RCL1: variants seen among roughly 807,000 people sequenced by gnomAD.
RCL1 encodes RNA 3'-terminal phosphate cyclase-like protein.
In RCL1, 24 loss-of-function variants were observed where a neutral mutation model predicts 42.4. The observed-to-expected ratio is 0.57, with a 90% confidence interval of 0.41 to 0.80. RCL1 has a LOEUF of 0.80. Among genes scored for constraint, RCL1 ranks in the 30% least tolerant of loss-of-function variants. The pLI, the probability that RCL1 is intolerant of heterozygous loss-of-function variation, is 0.00. For synonymous variants in RCL1, 228 were observed against 177.3 expected, an observed-to-expected ratio of 1.29 and a Z score of -2.27; for missense variants, 578 against 467.9, an observed-to-expected ratio of 1.24 and a Z score of -2.17.
chr9:4,850,482 C>CTTTT (rs112829690), intron 8 of RCL1: 41 of 114,452 alleles, frequency 3.6e-4, no homozygotes, highest in East Asian at 7.1e-4. Flanking sequence ...CTTATGGAGG[C>CTTTT]TTTTTTTTTT....
In RCL1 at chr9:4,826,341, C is replaced by T. The variant is rs1357409997; in HGVS notation, c.209-517C>T. On this transcript the variant is annotated intron_variant, in intron 2 of 8. Transcript: ENST00000381750. Reference sequence around the variant, plus strand: ...GCCGTAAAATAATATTAGGCATGTCCCTGTATCAATATTAAATTAAAAGAC... The same window carrying T: ...GCCGTAAAATAATATTAGGCATGTCTCTGTATCAATATTAAATTAAAAGAC... 3.3e-5 allele frequency among the ~76,000 whole-genome samples: 5 copies of T among 152,224 alleles called. 1 individual carries two copies. The South Asian group carries it at 1.0e-3, about 32-fold the overall frequency.
At chr9:4,829,400 G>A (rs919882622) in intron 3 of RCL1, among the ~76,000 whole-genome samples, 13 of 152,138 alleles carry the variant, frequency 8.5e-5, no homozygotes, top group African/African-American at 3.1e-4. Flanking sequence ...TTGCAATAAA[G>A]GATCATGATC....
At chr9:4,801,296 C>G (rs12002824) in intron 1 of RCL1, among the ~76,000 whole-genome samples, 1 of 152,082 alleles carries the variant, frequency 6.6e-6, no homozygotes, top group African/African-American at 2.4e-5. Context: ...CTCAGCCTCC[C>G]GAGTAGCTGG....
intron 1 of RCL1, among the ~76,000 whole-genome samples, chr9:4,794,775 C>T (rs1057360734): frequency 6.6e-6 from 1 of 151,978 alleles, no homozygotes; most frequent in Non-Finnish European, 1.5e-5. Flanking sequence ...AAGTATGCTT[C>T]TCCTTCTCCC....
intron 5 of RCL1, chr9:4,839,815 T>C (rs1221329846): frequency 7.1e-6 from 7 of 981,614 alleles, no homozygotes; most frequent in Non-Finnish European, 7.3e-6. Flanking sequence ...TGTGGTCTCA[T>C]TGAAGAGCAA....
At chr9:4,854,920 G>A (rs895018897) in intron 8 of RCL1, among the ~76,000 whole-genome samples, 4 of 152,062 alleles carry the variant, frequency 2.6e-5, no homozygotes, top group Non-Finnish European at 5.9e-5. Context: ...GGGCGTGGTG[G>A]CACATGTCTC....
chr9:4,812,684 T>C (rs1011225520), intron 1 of RCL1, among the ~76,000 whole-genome samples: 31 of 152,130 alleles, frequency 2.0e-4, no homozygotes, highest in Non-Finnish European at 1.5e-5. Flanking sequence ...ATAATCTCAT[T>C]GGTATTTTGA....
intron 5 of RCL1, among the ~76,000 whole-genome samples, chr9:4,840,445 GCT>G (rs1563850679): frequency 7.2e-5 from 11 of 152,148 alleles, no homozygotes; most frequent in Non-Finnish European, 1.5e-4. Flanking sequence ...GGGAATGCCA[GCT>G]TCTGTTATAA....
At chr9:4,815,740 G>A (rs1377384588) in intron 1 of RCL1, among the ~76,000 whole-genome samples, 4 of 152,110 alleles carry the variant, frequency 2.6e-5, no homozygotes, top group Non-Finnish European at 5.9e-5. Flanking sequence ...GCTGGGCACG[G>A]TGTTGACTCC....
chr9:4,837,600 A>C (rs1158536476), intron 5 of RCL1, among the ~76,000 whole-genome samples: 1 of 152,196 alleles, frequency 6.6e-6, no homozygotes, highest in South Asian at 2.1e-4. Flanking sequence ...CATGGGTTTC[A>C]TCACAGTGGG....
At chr9:4,843,251 T>A (rs2129675511) in intron 6 of RCL1, among the ~76,000 whole-genome samples, 1 of 152,350 alleles carries the variant, frequency 6.6e-6, no homozygotes, top group Non-Finnish European at 1.5e-5. Flanking sequence ...CTTGTTCAGA[T>A]GTAAGAGTTT....
At chr9:4,852,672 C>G (rs1263213569) in intron 8 of RCL1, among the ~76,000 whole-genome samples, 1 of 152,074 alleles carries the variant, frequency 6.6e-6, no homozygotes, top group Non-Finnish European at 1.5e-5. Context: ...GCTTAGTGCT[C>G]CTGGCAACGT....
At chr9:4,814,514 G>T (rs1383398660) in intron 1 of RCL1, among the ~76,000 whole-genome samples, 3 of 152,090 alleles carry the variant, frequency 2.0e-5, no homozygotes, top group Admixed American at 6.6e-5. Flanking sequence ...TCATCCTCCT[G>T]CCTTGGCTTC....
intron 1 of RCL1, among the ~76,000 whole-genome samples, chr9:4,818,424 A>T (rs1387503672): frequency 6.6e-6 from 1 of 152,236 alleles, no homozygotes. Context: ...CACATATAGA[A>T]ATAAATAAAC....
intron 1 of RCL1, among the ~76,000 whole-genome samples, chr9:4,806,440 G>A (rs888120953): frequency 6.6e-6 from 1 of 152,128 alleles, no homozygotes; most frequent in Non-Finnish European, 1.5e-5. Flanking sequence ...CAATGAATGA[G>A]TGTTGTATTT....
intron 1 of RCL1, among the ~76,000 whole-genome samples, chr9:4,803,212 C>T (rs557304899): frequency 6.6e-6 from 1 of 152,076 alleles, no homozygotes; most frequent in East Asian, 1.9e-4. Context: ...GATCAGAAGA[C>T]AAAAGTAGAT....
At chr9:4,839,261 G>A (rs931224712) in intron 5 of RCL1, among the ~76,000 whole-genome samples, 19 of 152,256 alleles carry the variant, frequency 1.2e-4, no homozygotes, top group Middle Eastern at 3.4e-3. Context: ...GTTAACCTTC[G>A]TGTTTTTGTA....
At chr9:4,809,238 T>C (rs572283421) in intron 1 of RCL1, among the ~76,000 whole-genome samples, 1 of 152,330 alleles carries the variant, frequency 6.6e-6, no homozygotes, top group South Asian at 2.1e-4. Context: ...TTTTCTTACA[T>C]ATATCCTAAC....
Position 4,801,777 on chromosome 9 carries a change from C to T in RCL1, c.136+8550C>T, listed in dbSNP as rs528696424. Among the ~76,000 whole-genome samples, 14 of 145,302 alleles carry T rather than the reference C, an allele frequency of 9.6e-5. No individual in the cohort carries two copies. The East Asian group carries it at 1.8e-3, about 19-fold the overall frequency. On this transcript the variant is annotated intron_variant, in intron 1 of 8. Coordinates refer to ENST00000381750, the MANE Select transcript of RCL1 (RefSeq NM_005772.5). ...ATTGCCCAAGCATCATTTGTTGAAA[C>T]GGCATCTTTTTTCCATTTAATTGCT...
Sources: allele counts gnomAD v4.1 joint callset (sites outside exome capture counted in the v4.1 genomes callset), GRCh38; gene constraint gnomAD v4.1.1; transcripts MANE v1.5; gene names NCBI Gene and HGNC (gene_info 2026-07-23, HGNC 2026-07-21).